Variants in FRMD3 observed in about 807,000 individuals in gnomAD.
FRMD3 encodes FERM domain containing 3.
In FRMD3, 33 loss-of-function variants were observed where a neutral mutation model predicts 70.2. The ratio of observed to expected loss-of-function variants is 0.47; its 90% CI spans 0.36 to 0.63. The LOEUF is 0.63. Ranked by LOEUF, FRMD3 falls within the 20% of genes least tolerant of loss-of-function variation. The pLI is 0.00. For missense variants in FRMD3, 632 were observed against 711.4 expected, an observed-to-expected ratio of 0.89 and a Z score of 1.27; for synonymous variants, 279 against 255.9, an observed-to-expected ratio of 1.09 and a Z score of -0.86.
chr9:83,373,290 C>T (rs3739656), intron 2 of FRMD3, among the ~76,000 whole-genome samples: 50,216 of 151,976 alleles, frequency 0.33, 8,552 homozygotes, highest in African/African-American at 0.42. Context: ...CTGTGAAAGC[C>T]GCATATGGCT....
chr9:83,382,014 ACT>A (rs952078765), intron 2 of FRMD3, among the ~76,000 whole-genome samples: 3 of 152,020 alleles, frequency 2.0e-5, no homozygotes, highest in African/African-American at 7.2e-5. Flanking sequence ...TTTAATAGAC[ACT>A]CAAAAAAAAA....
intron 1 of FRMD3, among the ~76,000 whole-genome samples, chr9:83,501,464 G>T (rs1241393159): frequency 6.6e-6 from 1 of 152,126 alleles, no homozygotes; most frequent in Non-Finnish European, 1.5e-5. Flanking sequence ...AACACGGAGT[G>T]TTCTTCCATG....
chr9:83,407,234 T>C (rs1397514023), intron 1 of FRMD3, among the ~76,000 whole-genome samples: 7 of 152,220 alleles, frequency 4.6e-5, no homozygotes, highest in Admixed American at 4.6e-4. Context: ...AAGTTTTTCA[T>C]TGTACTTTAC....
At chr9:83,500,443 T>A (rs1347895428) in intron 1 of FRMD3, among the ~76,000 whole-genome samples, 1 of 151,838 alleles carries the variant, frequency 6.6e-6, no homozygotes, top group Non-Finnish European at 1.5e-5. Flanking sequence ...AATATCCATT[T>A]CCTACTCTAA....
At chr9:83,382,888 C>T (rs1298064015) in intron 2 of FRMD3, among the ~76,000 whole-genome samples, 1 of 152,124 alleles carries the variant, frequency 6.6e-6, no homozygotes, top group Non-Finnish European at 1.5e-5. Flanking sequence ...GTCATCTATA[C>T]ACTAAACATC....
chr9:83,295,165 A>G lies in FRMD3; in HGVS notation c.1070+3583T>C, dbSNP rs533541709. On this transcript the variant is annotated intron_variant, in intron 12 of 13. Coordinates refer to ENST00000304195, the MANE Select transcript of FRMD3 (RefSeq NM_174938.6). ...CCTTTGGGAACTACAATTATATTCT[A>G]ATACTGGGGCAAATGTGGTTTGAAT... 5.9e-5 allele frequency among the ~76,000 whole-genome samples: 9 copies of G among 152,312 alleles called. No homozygotes were observed. The South Asian group carries it at 1.9e-3, about 32-fold the overall frequency.
At chr9:83,318,601 T>A (rs894525986) in intron 6 of FRMD3, among the ~76,000 whole-genome samples, 1 of 152,094 alleles carries the variant, frequency 6.6e-6, no homozygotes, top group East Asian at 1.9e-4. Flanking sequence ...AACATATGAG[T>A]GCCGGTATCT....
In FRMD3 at chr9:83,245,020, G is replaced by A; in HGVS notation, c.*2898C>T. The A allele has an allele frequency of 1.0e-6, 1 of 984,944 alleles. No homozygotes were observed. The highest frequency in any genetic ancestry group is 4.7e-5 in the South Asian group (1 of 21,280). The allele number at this position is 984,944 out of a possible 1,614,324, so 61.0% of individuals were successfully genotyped here. On this transcript the variant is annotated 3_prime_UTR_variant, in exon 14 of 14. Transcript: ENST00000304195. ...ATTTATATCCACAAATGTACACTCA[G>A]TGGCATTTATGGAAAATTTAACCCT...
At chr9:83,386,891 A>C (rs1053276616) in intron 2 of FRMD3, among the ~76,000 whole-genome samples, 4 of 152,110 alleles carry the variant, frequency 2.6e-5, no homozygotes, top group Non-Finnish European at 4.4e-5. Flanking sequence ...ATGTTTTCTC[A>C]ATATTTGATT....
At chr9:83,539,826 G>A (rs560300522), upstream of FRMD3, among the ~76,000 whole-genome samples, 5 of 152,344 alleles carry the variant, frequency 3.3e-5, no homozygotes, top group African/African-American at 1.2e-4. Context: ...TAGGAGGATA[G>A]AGAATGTTTT....
chr9:83,363,757 T>C (rs889991049), intron 3 of FRMD3, among the ~76,000 whole-genome samples: 14 of 152,132 alleles, frequency 9.2e-5, no homozygotes, highest in Non-Finnish European at 1.8e-4. Context: ...GGTTTCACCA[T>C]GTTAGCCAGG....
chr9:83,484,107 C>T (rs1021073751), intron 1 of FRMD3, among the ~76,000 whole-genome samples: 2 of 152,112 alleles, frequency 1.3e-5, no homozygotes, highest in African/African-American at 4.8e-5. Context: ...CATTTAAAGG[C>T]CAACTTAATA....
At chr9:83,531,087 G>C (rs1218430127) in intron 1 of FRMD3, among the ~76,000 whole-genome samples, 1 of 152,132 alleles carries the variant, frequency 6.6e-6, no homozygotes, top group Non-Finnish European at 1.5e-5. Context: ...CCTCTGGAGG[G>C]TATCCTATGA....
the FRMD3 span, among the ~76,000 whole-genome samples, chr9:83,562,898 C>A: frequency 2.9e-3 from 434 of 151,840 alleles, 2 homozygotes; most frequent in African/African-American, 8.9e-3. Flanking sequence ...AATGCCCCCC[C>A]CCCAGCACAG....
At chr9:83,336,465 T>A (rs1437837025) in intron 5 of FRMD3, among the ~76,000 whole-genome samples, 1 of 151,204 alleles carries the variant, frequency 6.6e-6, no homozygotes, top group African/African-American at 2.4e-5. Flanking sequence ...ATTCTCTGTG[T>A]CAGGAATTCC....
intron 1 of FRMD3, among the ~76,000 whole-genome samples, chr9:83,416,753 C>CTCTG (rs954604320): frequency 9.9e-6 from 1 of 101,028 alleles, no homozygotes; most frequent in Non-Finnish European, 1.9e-5. Flanking sequence ...CTGTCTCTCT[C>CTCTG]TCTCTCTCTC....
At chr9:83,581,578 T>C in the FRMD3 span, among the ~76,000 whole-genome samples, 202 of 152,308 alleles carry the variant, frequency 1.3e-3, no homozygotes, top group Admixed American at 2.9e-3. Context: ...AACACAGACT[T>C]ACCATATGAT....
chr9:83,359,981 G>T (rs1035699369), intron 3 of FRMD3, among the ~76,000 whole-genome samples: 7 of 152,198 alleles, frequency 4.6e-5, no homozygotes, highest in Middle Eastern at 3.2e-3. Context: ...ATGTTACCTT[G>T]CCTTTTACCT....
the FRMD3 span, among the ~76,000 whole-genome samples, chr9:83,555,293 C>T: frequency 6.6e-6 from 1 of 151,712 alleles, no homozygotes; most frequent in East Asian, 2.0e-4. Context: ...GAATTAAGAT[C>T]GCTGTTGGCT....
Sources: allele counts gnomAD v4.1 joint callset (sites outside exome capture counted in the v4.1 genomes callset), GRCh38; gene constraint gnomAD v4.1.1; transcripts MANE v1.5; gene names NCBI Gene and HGNC (gene_info 2026-07-23, HGNC 2026-07-21).